WDR36: variants seen among roughly 807,000 people sequenced by gnomAD.
WDR36 encodes WD repeat-containing protein 36.
A neutral mutation model predicts 112.7 loss-of-function variants in WDR36; 63 were observed. That is an observed-to-expected ratio of 0.56 (90% CI 0.46 to 0.69). The LOEUF (loss-of-function observed/expected upper bound fraction) is 0.69. WDR36 is among the 30% of genes least tolerant of loss of function. The probability of loss-of-function intolerance (pLI) is 0.00; values close to 1 mark genes in which losing one functional copy is unlikely to be tolerated. For missense variants in WDR36, 1,226 were observed against 1,070.3 expected (o/e 1.15, Z -2.03); for synonymous variants, 410 against 362.2 (o/e 1.13, Z -1.50).
chr5:111,107,586 T>G, intron 12 of WDR36, 147 bp downstream of exon 12: 1 of 996,234 alleles, frequency 1.0e-6, no homozygotes, highest in South Asian at 1.6e-5. Flanking sequence ...CACAAAAATT[T>G]GCTCCTGTGA....
Position 111,104,198 on chromosome 5 carries a change from C to T in WDR36, c.752C>T (p.Ala251Val). The change falls in exon 8 of 23, where the codon GCT (alanine) becomes GTT (valine). Residue 251 changes from alanine to valine, a missense_variant. By Grantham distance (64) the Ala-to-Val change is moderately conservative. Transcript: ENST00000513710. ...FRTDGHPVMA[A>V]GSPCGHIGLW... is the part of the protein sequence containing the mutation. ...ACAGATGGTCATCCAGTAATGGCAG[C>T]TGGAAGCCCATGTGGCCATATTGGA... is the stretch of plus-strand genomic sequence containing the variant. 1 of 1,611,062 alleles carries T rather than the reference C, an allele frequency of 6.2e-7. No individual in the cohort carries two copies. The highest frequency in any genetic ancestry group is 8.5e-7 in the Non-Finnish European group (1 of 1,178,214).
intron 3 of WDR36, 34 bp downstream of exon 3, chr5:111,097,213 G>A (rs747252192): frequency 1.3e-6 from 2 of 1,497,518 alleles, no homozygotes; most frequent in Non-Finnish European, 1.9e-6. Flanking sequence ...TTGTCAGTCA[G>A]TATTTGTTTG....
rs1486809245 is a variant in WDR36 at position 111,092,605 on chromosome 5, T to A, written c.149T>A (p.Phe50Tyr). 6.2e-7 allele frequency: 1 copy of A among 1,613,482 alleles called. No individual in the cohort carries two copies. Among genetic ancestry groups the A allele is most frequent in the Admixed American group, 1.7e-5 (1 of 60,024 alleles). ...GTAACAACCTGCGTGGGCAAGAGTT[T>A]CCACACCTATGACGTGAGTGACTTC... The part of the protein sequence containing the change: ...FYVTTCVGKS[F>Y]HTYDVQKLSL... Residue 50 changes from phenylalanine (F) to tyrosine (Y), a missense_variant, in exon 1 of 23, where the codon TTC becomes TAC. Coordinates refer to ENST00000513710, the MANE Select transcript of WDR36 (RefSeq NM_139281.3).
intron 1 of WDR36, among the ~76,000 whole-genome samples, chr5:111,093,968 C>T (rs1752923507): frequency 6.6e-6 from 1 of 152,142 alleles, no homozygotes; most frequent in African/African-American, 2.4e-5. Flanking sequence ...AGACTGTACA[C>T]TGCTCAGATT....
chr5:111,102,369 A>T lies in WDR36; in HGVS notation c.567A>T (p.Gly189=), dbSNP rs1382678488. ...KSNKLLYTFP[G]WKVGVTALQQ... ...GTAAACTTCTATATACATTTCCAGG[A>T]TGGAAAGTTGGAGTGACAGCTCTTC... The change falls in exon 6 of 23, where the codon GGA becomes GGT. Residue 189 remains glycine, a synonymous_variant. Coordinates refer to ENST00000513710, the MANE Select transcript of WDR36 (RefSeq NM_139281.3). 1.2e-6 allele frequency: 2 copies of T among 1,610,056 alleles called. No individual in the cohort carries two copies. Among genetic ancestry groups the T allele is most frequent in the Non-Finnish European group, 1.7e-6 (2 of 1,177,660 alleles).
In WDR36 at chr5:111,092,372, G is replaced by A. The variant is rs748684292; in HGVS notation, c.-85G>A. The stretch of plus-strand genomic sequence containing the variant: ...TGTTGTGTCTGCAGCTCTGGCAGAG[G>A]ACTGTTCCACTAGACACGCTGAAGG... On this transcript the variant is annotated 5_prime_UTR_variant, in exon 1 of 23. Transcript: ENST00000513710. 1 of 1,614,252 alleles carries A rather than the reference G, an allele frequency of 6.2e-7. No homozygotes were observed. The highest frequency in any genetic ancestry group is 8.5e-7 in the Non-Finnish European group (1 of 1,180,044).
intron 1 of WDR36, 45 bp downstream of exon 1, chr5:111,092,663 T>A (rs372352816): frequency 6.3e-7 from 1 of 1,580,210 alleles, no homozygotes; most frequent in Non-Finnish European, 8.6e-7. Flanking sequence ...CCACCCTCCT[T>A]GGCCTCTAAC....
intron 19 of WDR36, 89 bp from the exon 20 acceptor site, chr5:111,123,716 G>T: frequency 1.3e-6 from 2 of 1,511,114 alleles, no homozygotes; most frequent in Admixed American, 3.5e-5. Flanking sequence ...TTACTTTTTG[G>T]TATTTGTTTT....
At chr5:111,106,205 C>A in intron 11 of WDR36, 62 bp downstream of exon 11, 1 of 1,388,826 alleles carries the variant, frequency 7.2e-7, no homozygotes, top group Non-Finnish European at 1.0e-6. Context: ...CTACTGTATG[C>A]TGTTTTATTT....
chr5:111,124,302 A>G, intron 21 of WDR36, 113 bp downstream of exon 21: 1 of 934,976 alleles, frequency 1.1e-6, no homozygotes, highest in Non-Finnish European at 1.5e-6. Context: ...TAAAAATCAA[A>G]AAGATTGAAA....
chr5:111,112,974 G>A (rs1753371232), intron 15 of WDR36, 100 bp from the exon 16 acceptor site: 1 of 240,506 alleles, frequency 4.2e-6, no homozygotes, highest in African/African-American at 2.4e-5. Context: ...TCTTTAAGGT[G>A]TTAACTATAT....
Position 111,092,518 on chromosome 5 carries a change from G to A in WDR36, c.62G>A (p.Gly21Glu), listed in dbSNP as rs765550580. The A allele has an allele frequency of 1.9e-6, 3 of 1,614,136 alleles. No homozygotes were observed. Among genetic ancestry groups the A allele is most frequent in the Admixed American group, 3.3e-5 (2 of 60,016 alleles). Residue 21 changes from glycine to glutamate, a missense_variant, in exon 1 of 23, where the codon GGA (glycine) becomes GAA (glutamate). Physicochemically the swap from Gly to Glu is moderately conservative, Grantham distance 98 (BLOSUM62 -2). Coordinates refer to ENST00000513710, the MANE Select transcript of WDR36 (RefSeq NM_139281.3). ...SALFAGFRAL[G>E]LFSNDIPHVV... ...CTTTTTGCGGGGTTCCGGGCCTTGG[G>A]ACTTTTCAGCAACGACATTCCACAC...
At position 111,119,383 on chromosome 5, in the gene WDR36, A is replaced by G. The variant is rs73786766; in HGVS notation, c.1904+263A>G. Reference sequence around the variant, plus strand: ...CTTTTATTTGCAGAAAGAATGAGTGATTTTTAAAAGTTTAGGAAAAGGGAG... The same window carrying G: ...CTTTTATTTGCAGAAAGAATGAGTGGTTTTTAAAAGTTTAGGAAAAGGGAG... On this transcript the variant is annotated intron_variant, in intron 17 of 22. Coordinates refer to ENST00000513710, the MANE Select transcript of WDR36 (RefSeq NM_139281.3). Among the ~76,000 whole-genome samples the G allele has an allele frequency of 3.1e-3, 468 of 152,244 alleles. 1 individual carries two copies. The highest frequency in any genetic ancestry group is 0.011 in the South Asian group (55 of 4,820).
At chr5:111,093,826 A>C (rs564370667) in intron 1 of WDR36, among the ~76,000 whole-genome samples, 1 of 152,314 alleles carries the variant, frequency 6.6e-6, no homozygotes, top group African/African-American at 2.4e-5. Context: ...ATATTTGTAC[A>C]TTTTATAAAG....
intron 21 of WDR36, among the ~76,000 whole-genome samples, chr5:111,124,760 CTT>C (rs1356033322): frequency 6.6e-6 from 1 of 152,106 alleles, no homozygotes; most frequent in African/African-American, 2.4e-5. Flanking sequence ...AACTTGTCCT[CTT>C]GTTTTGATTC....
rs1488997705 is a variant in WDR36, at chr5:111,102,443, GA to G, written c.597+48del. On this transcript the variant is annotated intron_variant, in intron 6 of 22. Transcript: ENST00000513710. ...AGTCAAAGAGGAACAAAGTTAATAG[GA>G]AAATCCTTCAGTTTCAGGAATCAAT... The G allele has an allele frequency of 1.9e-6, 3 of 1,563,562 alleles. No homozygotes were observed. In the East Asian group the frequency reaches 6.8e-5, roughly 35 times the overall value.
intron 17 of WDR36, among the ~76,000 whole-genome samples, chr5:111,119,800 A>G (rs1297554282): frequency 6.6e-6 from 1 of 152,150 alleles, no homozygotes; most frequent in Non-Finnish European, 1.5e-5. Context: ...GACCCTGTTC[A>G]CCTTAATTTG....
At chr5:111,113,803 T>C (rs924077708) in intron 16 of WDR36, among the ~76,000 whole-genome samples, 1 of 152,056 alleles carries the variant, frequency 6.6e-6, no homozygotes, top group Non-Finnish European at 1.5e-5. Flanking sequence ...GGACTGAGCG[T>C]GATAATGTAA....
Position 111,127,438 on chromosome 5 carries a change from G to A in WDR36, c.*555G>A, listed in dbSNP as rs941287931. 2.5e-5 allele frequency: 5 copies of A among 203,612 alleles called. No individual in the cohort carries two copies. Among genetic ancestry groups the A allele is most frequent in the African/African-American group, 1.1e-4 (5 of 43,752 alleles). The allele number at this position is 203,612 out of a possible 1,614,324, so 12.6% of individuals were successfully genotyped here. ...TAAAAATGCTGTTATGAAGAAAAAA[G>A]GAATGCTTTTTTCCTCGGTGGCCTT... is the stretch of plus-strand genomic sequence containing the variant. On this transcript the variant is annotated 3_prime_UTR_variant, in exon 23 of 23. Coordinates refer to ENST00000513710, the MANE Select transcript of WDR36 (RefSeq NM_139281.3).
Sources: gnomAD v4.1 joint callset for allele counts (sites outside exome capture counted in the v4.1 genomes callset) on GRCh38, gnomAD v4.1.1 for gene constraint, MANE v1.5 for transcripts, NCBI Gene and HGNC (gene_info 2026-07-23, HGNC 2026-07-21) for gene names.